The following SYT1 variants were observed in gnomAD, a reference collection of about 807,000 sequenced individuals.
SYT1 encodes the protein synaptotagmin 1, also known as synaptotagmin-1.
Under a neutral mutation model 44.8 loss-of-function variants are expected in SYT1, and 8 were observed. The ratio of observed to expected loss-of-function variants is 0.18; its 90% CI spans 0.10 to 0.32. The LOEUF (loss-of-function observed/expected upper bound fraction) is 0.32. SYT1 is among the 10% of genes least tolerant of loss of function. The pLI, the probability that SYT1 is intolerant of heterozygous loss-of-function variation, is 1.00. For synonymous variants in SYT1, 154 were observed against 188.8 expected, an observed-to-expected ratio of 0.82 and a Z score of 1.51; for missense variants, 286 against 509.3, an observed-to-expected ratio of 0.56 and a Z score of 4.22.
At chr12:78,950,037 C>T (rs903215429) in intron 1 of SYT1, among the ~76,000 whole-genome samples, 1 of 151,766 alleles carries the variant, frequency 6.6e-6, no homozygotes, top group Non-Finnish European at 1.5e-5. Context: ...ATTATTTTTT[C>T]AAAAACACAA....
At chr12:79,447,917 C>T (rs552668202) in intron 10 of SYT1, among the ~76,000 whole-genome samples, 2 of 152,264 alleles carry the variant, frequency 1.3e-5, no homozygotes, top group African/African-American at 2.4e-5. Flanking sequence ...TAATCTGGCC[C>T]TAGCTTTTAT....
chr12:79,119,214 C>T (rs1207712411), intron 3 of SYT1, among the ~76,000 whole-genome samples: 1 of 152,204 alleles, frequency 6.6e-6, no homozygotes, highest in Non-Finnish European at 1.5e-5. Context: ...ACAGGTCCTC[C>T]TGCCTTCAGT....
intron 2 of SYT1, among the ~76,000 whole-genome samples, chr12:79,020,282 A>G (rs1565766335): frequency 6.6e-6 from 1 of 151,898 alleles, no homozygotes; most frequent in Non-Finnish European, 1.5e-5. Context: ...AATGTGACTC[A>G]TGTCATCTGT....
chr12:79,349,039 A>AAGAAAGAAAGAGAG lies in SYT1; in HGVS notation c.811-4452_811-4451insGAGAGAAAGAAAGA, dbSNP rs1555219963. Among the ~76,000 whole-genome samples, 4 of 140,080 alleles carry AAGAAAGAAAGAGAG rather than the reference A, an allele frequency of 2.9e-5. No homozygotes were observed. The South Asian group carries it at 7.1e-4, about 25-fold the overall frequency. 91.9% of individuals were successfully genotyped at this position (140,080 alleles called of 152,430 possible). A position where few individuals can be genotyped will look rare whatever the true frequency, so the allele number is the denominator to read the frequency against. ...AGAAAGAAAGAAAGAAAGAAAAAGA[A>AAGAAAGAAAGAGAG]AGAAAGAAAGAAAGAAAGGAGGGAG... On this transcript the variant is annotated intron_variant, in intron 8 of 10. Coordinates refer to ENST00000261205, the MANE Select transcript of SYT1 (RefSeq NM_005639.3).
intron 3 of SYT1, among the ~76,000 whole-genome samples, chr12:79,215,840 G>C (rs559509913): frequency 6.0e-5 from 9 of 149,488 alleles, no homozygotes; most frequent in African/African-American, 2.2e-4. Flanking sequence ...ATGCATCTGA[G>C]ATTATTCTAT....
chr12:79,112,955 CAAAT>C (rs575414492), intron 3 of SYT1, among the ~76,000 whole-genome samples: 13 of 151,954 alleles, frequency 8.6e-5, no homozygotes, highest in East Asian at 1.9e-4. Flanking sequence ...ATAAATTAGA[CAAAT>C]AAAAGTTTCT....
At chr12:79,183,219 C>CAGCA (rs755965960) in intron 3 of SYT1, among the ~76,000 whole-genome samples, 33 of 151,890 alleles carry the variant, frequency 2.2e-4, no homozygotes, top group Non-Finnish European at 3.8e-4. Context: ...CTTACACATG[C>CAGCA]AGCACCACTC....
At chr12:79,400,362 T>C (rs1236399362) in intron 9 of SYT1, among the ~76,000 whole-genome samples, 2 of 152,186 alleles carry the variant, frequency 1.3e-5, no homozygotes, top group Non-Finnish European at 2.9e-5. Flanking sequence ...ATACCCAGTA[T>C]TCAGGACGTC....
chr12:79,258,500 G>A (rs1245837), intron 4 of SYT1, among the ~76,000 whole-genome samples: 107,967 of 152,070 alleles, frequency 0.71, 38,872 homozygotes, highest in African/African-American at 0.79. Flanking sequence ...GACAAATCAC[G>A]TATGGTGCGT....
chr12:79,038,018 T>A (rs2098358329), intron 2 of SYT1, among the ~76,000 whole-genome samples: 1 of 151,634 alleles, frequency 6.6e-6, no homozygotes, highest in Non-Finnish European at 1.5e-5. Flanking sequence ...TTTTTGGTAA[T>A]GTTTATTGCT....
At chr12:79,164,443 G>A (rs1351681907) in intron 3 of SYT1, among the ~76,000 whole-genome samples, 20 of 151,994 alleles carry the variant, frequency 1.3e-4, no homozygotes, top group African/African-American at 3.9e-4. Context: ...ATGTGAGTAC[G>A]AATAAATATT....
intron 1 of SYT1, among the ~76,000 whole-genome samples, chr12:78,901,821 T>C (rs17045900): frequency 0.068 from 10,417 of 152,148 alleles, 491 homozygotes; most frequent in South Asian, 0.22. Flanking sequence ...GAGAGTACTC[T>C]TAATGGATGA....
At chr12:79,134,194 A>G (rs2138189374) in intron 3 of SYT1, among the ~76,000 whole-genome samples, 1 of 152,344 alleles carries the variant, frequency 6.6e-6, no homozygotes, top group South Asian at 2.1e-4. Context: ...GGATAATTAC[A>G]TATTCATTTA....
chr12:79,079,052 A>G (rs1267712989), intron 3 of SYT1, among the ~76,000 whole-genome samples: 1 of 152,210 alleles, frequency 6.6e-6, no homozygotes, highest in Admixed American at 6.5e-5. Flanking sequence ...TTTAGGCTAC[A>G]ACCCTGAATC....
chr12:78,964,470 C>A (rs1278898982), intron 1 of SYT1, among the ~76,000 whole-genome samples: 3 of 152,124 alleles, frequency 2.0e-5, no homozygotes, highest in African/African-American at 7.2e-5. Flanking sequence ...AATACATACT[C>A]TCTTTAGAAT....
chr12:79,028,544 A>T (rs1872659585), intron 2 of SYT1, among the ~76,000 whole-genome samples: 1 of 151,348 alleles, frequency 6.6e-6, no homozygotes, highest in South Asian at 2.1e-4. Flanking sequence ...TATCCAGGGC[A>T]CTTAGCACTA....
At chr12:79,045,237 G>A (rs1389866208) in intron 2 of SYT1, among the ~76,000 whole-genome samples, 1 of 152,228 alleles carries the variant, frequency 6.6e-6, no homozygotes. Flanking sequence ...CCGCCTTGCA[G>A]TTTGATCTCA....
intron 3 of SYT1, among the ~76,000 whole-genome samples, chr12:79,061,382 ACAT>A (rs1875372026): frequency 6.6e-6 from 1 of 152,160 alleles, no homozygotes; most frequent in South Asian, 2.1e-4. Context: ...TGAAAAGTAG[ACAT>A]CATCACCATT....
intron 9 of SYT1, among the ~76,000 whole-genome samples, chr12:79,380,170 G>A (rs1388879057): frequency 6.6e-6 from 1 of 152,008 alleles, no homozygotes; most frequent in East Asian, 1.9e-4. Flanking sequence ...CTTCACCACT[G>A]CCACCCCCAC....
Sources: allele counts gnomAD v4.1 joint callset (sites outside exome capture counted in the v4.1 genomes callset), GRCh38; gene constraint gnomAD v4.1.1; transcripts MANE v1.5; gene names NCBI Gene and HGNC (gene_info 2026-07-23, HGNC 2026-07-21).